Variants in PPP2R5E observed in about 807,000 individuals in gnomAD.
The protein encoded by PPP2R5E is serine/threonine-protein phosphatase 2A 56 kDa regulatory subunit epsilon isoform.
A neutral mutation model predicts 65.3 loss-of-function variants in PPP2R5E; 4 were observed. The ratio of observed to expected loss-of-function variants is 0.06; its 90% CI spans 0.03 to 0.14. PPP2R5E has a LOEUF of 0.14. Ranked by LOEUF, PPP2R5E falls within the 10% of genes least tolerant of loss-of-function variation. The pLI, the probability that PPP2R5E is intolerant of heterozygous loss-of-function variation, is 1.00. For missense variants in PPP2R5E, 274 were observed against 556.1 expected, an observed-to-expected ratio of 0.49 and a Z score of 5.10; for synonymous variants, 183 against 187.4, an observed-to-expected ratio of 0.98 and a Z score of 0.19.
chr14:63,454,207 A>C (rs1190756073), intron 2 of PPP2R5E, among the ~76,000 whole-genome samples: 1 of 152,232 alleles, frequency 6.6e-6, no homozygotes, highest in African/African-American at 2.4e-5. Context: ...CTTTAAATTA[A>C]AAACACTGAA....
chr14:63,433,032 G>GTTTTTTTTTTT (rs747571866), intron 3 of PPP2R5E, among the ~76,000 whole-genome samples: 73 of 96,438 alleles, frequency 7.6e-4, no homozygotes, highest in East Asian at 1.6e-3. Flanking sequence ...GTTTTGTTTT[G>GTTTTTTTTTTT]TTTTTTTTTT....
intron 2 of PPP2R5E, among the ~76,000 whole-genome samples, chr14:63,473,625 G>C (rs141705951): frequency 5.3e-5 from 8 of 152,130 alleles, no homozygotes; most frequent in African/African-American, 1.9e-4. Flanking sequence ...CAGCTCTCTA[G>C]GAAGTCTGAG....
At chr14:63,534,739 C>G (rs1893597345) in intron 2 of PPP2R5E, among the ~76,000 whole-genome samples, 1 of 152,202 alleles carries the variant, frequency 6.6e-6, no homozygotes, top group Admixed American at 6.6e-5. Flanking sequence ...TCTGCCTCAG[C>G]CTCCCAAGTA....
At chr14:63,450,346 C>T (rs1389559658) in intron 3 of PPP2R5E, among the ~76,000 whole-genome samples, 1 of 152,180 alleles carries the variant, frequency 6.6e-6, no homozygotes, top group Non-Finnish European at 1.5e-5. Flanking sequence ...TGCCCTAGAA[C>T]AGCATGTACA....
chr14:63,469,587 A>G (rs553559752), intron 2 of PPP2R5E, among the ~76,000 whole-genome samples: 38 of 152,304 alleles, frequency 2.5e-4, no homozygotes, highest in African/African-American at 9.1e-4. Context: ...CCAGCTACTC[A>G]GGAGGCTGAG....
chr14:63,399,366 C>CTTTGGTTTTTTTT (rs1885604828), intron 5 of PPP2R5E, among the ~76,000 whole-genome samples: 1 of 48,504 alleles, frequency 2.1e-5, no homozygotes, highest in Admixed American at 3.3e-4. Flanking sequence ...GGATTTCTTT[C>CTTTGGTTTTTTTT]TTTTTTTTTT....
intron 5 of PPP2R5E, among the ~76,000 whole-genome samples, chr14:63,399,441 G>A (rs746184691): frequency 6.3e-5 from 8 of 126,618 alleles, no homozygotes; most frequent in Non-Finnish European, 1.1e-4. Context: ...GTGCAGTGGC[G>A]CTATCTCGGC....
intron 5 of PPP2R5E, among the ~76,000 whole-genome samples, chr14:63,411,535 G>A (rs748860019): frequency 6.6e-6 from 1 of 151,492 alleles, no homozygotes; most frequent in Admixed American, 6.6e-5. Flanking sequence ...TTGGAGGTGG[G>A]GCCTAGTGAG....
Position 63,539,559 on chromosome 14 carries a change from T to C in PPP2R5E, c.127A>G (p.Ile43Val), listed in dbSNP as rs1266064094. The change falls in exon 2 of 14, where the codon ATT becomes GTT. Residue 43 changes from isoleucine (I) to valine (V), a missense_variant. Physicochemically the swap from Ile to Val is conservative, Grantham distance 29 (BLOSUM62 3). Transcript: ENST00000337537. Reference protein sequence around the residue: ...SSQFRSQGKPIELTPLPLLKD... With the variant: ...SSQFRSQGKPVELTPLPLLKD... ...AGCAGCGGCAGAGGTGTTAACTCAA[T>C]AGGCTTGCCTTGAGACCTAAACTGT... 1.9e-6 allele frequency: 3 copies of C among 1,614,086 alleles called. No homozygotes were observed.
chr14:63,395,070 T>G (rs1405179247), intron 7 of PPP2R5E, among the ~76,000 whole-genome samples, 156 bp downstream of exon 7: 1 of 152,218 alleles, frequency 6.6e-6, no homozygotes, highest in Non-Finnish European at 1.5e-5. Flanking sequence ...AATTGTGTCT[T>G]GTAGAGTCAG....
intron 2 of PPP2R5E, among the ~76,000 whole-genome samples, chr14:63,517,496 A>G (rs1892713263): frequency 6.6e-6 from 1 of 152,138 alleles, no homozygotes; most frequent in African/African-American, 2.4e-5. Flanking sequence ...TCCTTTATTT[A>G]TTTTGTTAGA....
chr14:63,525,618 G>A (rs755521130), intron 2 of PPP2R5E, among the ~76,000 whole-genome samples: 17 of 152,052 alleles, frequency 1.1e-4, no homozygotes, highest in Admixed American at 2.6e-4. Context: ...ACCTTTGTCC[G>A]GAAAAGTGTC....
At chr14:63,516,965 T>C (rs1488427624) in intron 2 of PPP2R5E, among the ~76,000 whole-genome samples, 1 of 151,424 alleles carries the variant, frequency 6.6e-6, no homozygotes, top group Non-Finnish European at 1.5e-5. Flanking sequence ...ATGGATGAAC[T>C]AAATAGATTT....
chr14:63,420,894 T>C (rs1046540454), intron 4 of PPP2R5E, among the ~76,000 whole-genome samples: 2 of 127,692 alleles, frequency 1.6e-5, no homozygotes, highest in Non-Finnish European at 3.2e-5. Context: ...CTACTAAAAA[T>C]ACAAAAAAAT....
chr14:63,492,126 A>G (rs139764130), intron 2 of PPP2R5E, among the ~76,000 whole-genome samples: 1 of 152,234 alleles, frequency 6.6e-6, no homozygotes, highest in African/African-American at 2.4e-5. Context: ...CCCGACCTAC[A>G]GCTTACTACC....
intron 5 of PPP2R5E, among the ~76,000 whole-genome samples, chr14:63,412,113 C>T (rs564650020): frequency 1.7e-4 from 26 of 152,270 alleles, no homozygotes; most frequent in African/African-American, 6.3e-4. Flanking sequence ...AATGATTCCA[C>T]AGGAACATAT....
intron 13 of PPP2R5E, among the ~76,000 whole-genome samples, chr14:63,377,629 G>C (rs925457316): frequency 6.6e-6 from 1 of 152,152 alleles, no homozygotes; most frequent in Non-Finnish European, 1.5e-5. Context: ...GCTTAGTAAA[G>C]CCATATGGTA....
intron 2 of PPP2R5E, among the ~76,000 whole-genome samples, chr14:63,495,115 A>G (rs577837971): frequency 4.7e-4 from 72 of 151,844 alleles, no homozygotes; most frequent in African/African-American, 1.6e-3. Flanking sequence ...AGGCAGGACA[A>G]TCACTTGAAC....
At chr14:63,475,363 A>G (rs1890355768) in intron 2 of PPP2R5E, among the ~76,000 whole-genome samples, 1 of 152,240 alleles carries the variant, frequency 6.6e-6, no homozygotes, top group African/African-American at 2.4e-5. Context: ...CACGTACCAC[A>G]TGACATCCAT....
Sources: allele counts gnomAD v4.1 joint callset (sites outside exome capture counted in the v4.1 genomes callset), GRCh38; gene constraint gnomAD v4.1.1; transcripts MANE v1.5; gene names NCBI Gene and HGNC (gene_info 2026-07-23, HGNC 2026-07-21).